Variants in SVBP observed in about 807,000 individuals in gnomAD.
The protein encoded by SVBP is small vasohibin-binding protein.
Under a neutral mutation model 9.2 loss-of-function variants are expected in SVBP, and 9 were observed. The observed-to-expected ratio is 0.98, with a 90% confidence interval of 0.59 to 1.71. The LOEUF (loss-of-function observed/expected upper bound fraction) is 1.71. SVBP is among the 40% of genes most tolerant of loss of function. SVBP has a pLI of 0.00. For synonymous variants in SVBP, 27 were observed against 23.9 expected, an observed-to-expected ratio of 1.13 and a Z score of -0.37; for missense variants, 63 against 73.2, an observed-to-expected ratio of 0.86 and a Z score of 0.51.
At chr1:42,811,675 T>C (rs1654087696) in intron 2 of SVBP, among the ~76,000 whole-genome samples, 1 of 152,220 alleles carries the variant, frequency 6.6e-6, no homozygotes, top group Admixed American at 6.5e-5. Flanking sequence ...TTCCTTTTAA[T>C]GGTCTTCTGA....
At position 42,810,337 on chromosome 1, in the gene SVBP, G is replaced by A. The variant is rs994150355; in HGVS notation, c.115-2837C>T. On this transcript the variant is annotated intron_variant, in intron 2 of 2. Transcript: ENST00000372521. ...TAATTTTTTGTATTTTAGTAGAGAC[G>A]GGATTTCACCATGTTGGCCAGGATG... Among the ~76,000 whole-genome samples the A allele has an allele frequency of 2.0e-4, 30 of 152,104 alleles. 1 individual carries two copies. The highest frequency in any genetic ancestry group is 6.6e-4 in the Admixed American group (10 of 15,262).
chr1:42,816,241 C>T, intron 2 of SVBP, 190 bp downstream of exon 2: 1 of 519,958 alleles, frequency 1.9e-6, no homozygotes, highest in Non-Finnish European at 3.4e-6. Flanking sequence ...CTGACACTAA[C>T]TTGGCATGTG....
At chr1:42,807,580 T>G (rs188272000) in intron 2 of SVBP, 80 bp from the exon 3 acceptor site, 1,073 of 1,085,686 alleles carry the variant, frequency 9.9e-4, no homozygotes, top group Middle Eastern at 1.8e-3. Flanking sequence ...GGTGGTGCCT[T>G]CTGAAAATAC....
intron 2 of SVBP, among the ~76,000 whole-genome samples, chr1:42,808,161 A>ATATT (rs1654004524): frequency 8.1e-6 from 1 of 122,858 alleles, no homozygotes; most frequent in Non-Finnish European, 1.6e-5. Context: ...ATATATATAT[A>ATATT]TATATATATA....
intron 2 of SVBP, among the ~76,000 whole-genome samples, chr1:42,812,622 C>T (rs188749652): frequency 1.2e-3 from 180 of 152,266 alleles, no homozygotes; most frequent in African/African-American, 4.2e-3. Flanking sequence ...AATGTTGTCA[C>T]ATTGTTCTAA....
intron 1 of SVBP, 102 bp downstream of exon 1, chr1:42,817,061 CCCGGCCCCCCGACCCCGCCCCGGCCCG>C: frequency 5.4e-6 from 1 of 183,564 alleles, no homozygotes; most frequent in Non-Finnish European, 1.0e-5. Flanking sequence ...CCCCCCACCG[CCCGGCCCCCCGACCCCGCCCCGGCCCG>C]CCCGGCCCCA....
chr1:42,812,383 C>A (rs1199118802), intron 2 of SVBP, among the ~76,000 whole-genome samples: 1 of 152,214 alleles, frequency 6.6e-6, no homozygotes, highest in African/African-American at 2.4e-5. Flanking sequence ...AGTCAACACA[C>A]CACCATTTTC....
Position 42,817,203 on chromosome 1 carries a change from G to A in SVBP, c.-50C>T. 1 of 1,255,890 alleles carries A rather than the reference G, an allele frequency of 8.0e-7. No individual in the cohort carries two copies. The highest frequency in any genetic ancestry group is 1.0e-6 in the Non-Finnish European group (1 of 973,916). The allele number at this position is 1,255,890 out of a possible 1,614,324, so 77.8% of individuals were successfully genotyped here. A position where few individuals can be genotyped will look rare whatever the true frequency, so the allele number is the denominator to read the frequency against. ...GGGAGTCTGTACCTTTCCCGACCGG[G>A]CCACTGGAAGTTGGAGCCTCCGCCG... On this transcript the variant is annotated 5_prime_UTR_variant, in exon 1 of 3. Transcript: ENST00000372521.
chr1:42,816,631 T>TA, intron 1 of SVBP, 51 bp from the exon 2 acceptor site: 1 of 919,834 alleles, frequency 1.1e-6, no homozygotes. Context: ...AAACAAAAAA[T>TA]ACCCTGCCAG....
At chr1:42,816,904 C>T in intron 1 of SVBP, 2 of 188,696 alleles carry the variant, frequency 1.1e-5, no homozygotes, top group South Asian at 9.0e-5. Context: ...GCCCACTGTG[C>T]GGCGTGCGGC....
At chr1:42,814,006 T>C (rs1358123473) in intron 2 of SVBP, 5 of 183,954 alleles carry the variant, frequency 2.7e-5, no homozygotes, top group Non-Finnish European at 2.3e-5. Context: ...GCAAGATCCA[T>C]GAAGGCAGGG....
intron 2 of SVBP, among the ~76,000 whole-genome samples, chr1:42,810,210 C>T (rs1405665838): frequency 6.6e-6 from 1 of 151,834 alleles, no homozygotes; most frequent in African/African-American, 2.4e-5. Flanking sequence ...GTGCAGTGAC[C>T]CGATCTCAGC....
In SVBP at chr1:42,817,330, C is replaced by CGCG; in HGVS notation, c.-178_-177insCGC. The stretch of plus-strand genomic sequence containing the variant: ...CCCTCGTCCTGGGCGGGGCCGCGCG[C>CGCG]CGGGGGGAGGGGCGCAGGGCCGAGC... On this transcript the variant is annotated 5_prime_UTR_variant, in exon 1 of 3. Coordinates refer to ENST00000372521, the MANE Select transcript of SVBP (RefSeq NM_199342.4). The CGCG allele has an allele frequency of 9.4e-7, 1 of 1,066,876 alleles. No homozygotes were observed. The highest frequency in any genetic ancestry group is 1.2e-6 in the Non-Finnish European group (1 of 829,544). The allele number at this position is 1,066,876 out of a possible 1,614,324, so 66.1% of individuals were successfully genotyped here.
chr1:42,808,381 T>C (rs954066871), intron 2 of SVBP, among the ~76,000 whole-genome samples: 2 of 144,750 alleles, frequency 1.4e-5, no homozygotes, highest in Admixed American at 7.0e-5. Flanking sequence ...CTATATAGTA[T>C]ATATAGGCTA....
intron 2 of SVBP, chr1:42,813,266 T>C (rs1330603644): frequency 1.7e-5 from 4 of 229,824 alleles, no homozygotes; most frequent in Non-Finnish European, 3.6e-5. Flanking sequence ...TTTAGAAAAC[T>C]GGAAGAGGGG....
chr1:42,810,519 T>G (rs1654062169), intron 2 of SVBP, among the ~76,000 whole-genome samples: 1 of 152,154 alleles, frequency 6.6e-6, no homozygotes, highest in Non-Finnish European at 1.5e-5. Flanking sequence ...ATTTTTAATC[T>G]GCACATTACT....
chr1:42,811,443 C>T (rs866369240), intron 2 of SVBP, among the ~76,000 whole-genome samples: 1 of 152,160 alleles, frequency 6.6e-6, no homozygotes, highest in African/African-American at 2.4e-5. Flanking sequence ...TCGGTCCTGG[C>T]ACATCTCAAG....
intron 2 of SVBP, among the ~76,000 whole-genome samples, chr1:42,810,158 A>AT (rs1293576161): frequency 1.4e-5 from 2 of 147,052 alleles, no homozygotes; most frequent in East Asian, 2.0e-4. Context: ...ACACACATAT[A>AT]TTTTTTTTGT....
chr1:42,811,951 A>G (rs1654092310), intron 2 of SVBP, among the ~76,000 whole-genome samples: 1 of 152,106 alleles, frequency 6.6e-6, no homozygotes, highest in Non-Finnish European at 1.5e-5. Flanking sequence ...TAACATAATT[A>G]CTATGTGTAC....
Sources: allele counts gnomAD v4.1 joint callset (sites outside exome capture counted in the v4.1 genomes callset), GRCh38; gene constraint gnomAD v4.1.1; transcripts MANE v1.5; gene names NCBI Gene and HGNC (gene_info 2026-07-23, HGNC 2026-07-21).